Variants in RBFOX1 observed in about 807,000 individuals in gnomAD.
The protein encoded by RBFOX1 is RNA binding fox-1 homolog 1, also known as RNA binding protein fox-1 homolog 1.
In RBFOX1, 8 loss-of-function variants were observed where a neutral mutation model predicts 57.7. That is an observed-to-expected ratio of 0.14 (90% CI 0.08 to 0.25). The LOEUF (loss-of-function observed/expected upper bound fraction) is 0.25. RBFOX1 is among the 10% of genes least tolerant of loss of function. The pLI, the probability that RBFOX1 is intolerant of heterozygous loss-of-function variation, is 1.00. For missense variants in RBFOX1, 611 were observed against 548.5 expected, an observed-to-expected ratio of 1.11 and a Z score of -1.14; for synonymous variants, 326 against 222.4, an observed-to-expected ratio of 1.47 and a Z score of -4.15.
At chr16:6,620,791 G>C (rs769523843) in intron 2 of RBFOX1, among the ~76,000 whole-genome samples, 2 of 150,390 alleles carry the variant, frequency 1.3e-5, no homozygotes, top group Non-Finnish European at 3.0e-5. Flanking sequence ...ATCCTCCCCA[G>C]ACTGATTTAC....
chr16:6,763,028 C>T (rs560168413), intron 3 of RBFOX1, among the ~76,000 whole-genome samples: 386 of 32,538 alleles, frequency 0.012, no homozygotes, highest in Non-Finnish European at 0.026. Context: ...GAGAATGTGA[C>T]GTTCATTCAT....
intron 1 of RBFOX1, among the ~76,000 whole-genome samples, chr16:5,404,691 G>C (rs2066813906): frequency 6.6e-6 from 1 of 152,198 alleles, no homozygotes; most frequent in Non-Finnish European, 1.5e-5. Flanking sequence ...CTGGGGGATA[G>C]GGAAACCCAT....
At chr16:7,248,285 C>G (rs564654500) in intron 4 of RBFOX1, among the ~76,000 whole-genome samples, 1 of 152,200 alleles carries the variant, frequency 6.6e-6, no homozygotes, top group Non-Finnish European at 1.5e-5. Flanking sequence ...TTCTTGCTGC[C>G]TTTCCTACCT....
At chr16:7,574,993 G>C (rs919416585) in intron 5 of RBFOX1, among the ~76,000 whole-genome samples, 2 of 151,284 alleles carry the variant, frequency 1.3e-5, no homozygotes, top group East Asian at 2.0e-4. Context: ...AGATGTAGTA[G>C]AGGGAATGGT....
rs569109694 is a variant in RBFOX1, at chr16:6,831,558, G to A, written c.-16+176908G>A. On this transcript the variant is annotated intron_variant, in intron 3 of 15. Transcript: ENST00000550418. ...CTCTGAACATTACATCTAAAGATGG[G>A]CAACTGTTTAATTATTTGAGTAACT... 1.4e-4 allele frequency among the ~76,000 whole-genome samples: 22 copies of A among 152,228 alleles called. No homozygotes were observed. The South Asian group carries it at 2.7e-3, about 19-fold the overall frequency.
chr16:7,582,479 C>G (rs2093848373), intron 6 of RBFOX1, among the ~76,000 whole-genome samples: 1 of 152,152 alleles, frequency 6.6e-6, no homozygotes, highest in Non-Finnish European at 1.5e-5. Flanking sequence ...GTTTTATGCA[C>G]TAAAAATCTG....
In RBFOX1 at chr16:6,314,370, T is replaced by C. The variant is rs547653691; in HGVS notation, c.-126-2625T>C. 2.0e-5 allele frequency among the ~76,000 whole-genome samples: 3 copies of C among 152,298 alleles called. No homozygotes were observed. The South Asian group carries it at 6.2e-4, about 32-fold the overall frequency. ...CACAAAAAGTTAGAAAGGATGTATA[T>C]TCTGCTTCTGATAGAAGAATATGCC... On this transcript the variant is annotated intron_variant, in intron 1 of 15. Transcript: ENST00000550418.
chr16:6,875,376 G>T (rs2061654144), intron 3 of RBFOX1, among the ~76,000 whole-genome samples: 1 of 152,104 alleles, frequency 6.6e-6, no homozygotes, highest in South Asian at 2.1e-4. Flanking sequence ...TGTCCAATAT[G>T]ACCTACTTCT....
At chr16:7,555,464 A>G (rs775846394) in intron 5 of RBFOX1, among the ~76,000 whole-genome samples, 1 of 152,222 alleles carries the variant, frequency 6.6e-6, no homozygotes, top group Non-Finnish European at 1.5e-5. Context: ...GGGGAAAAGG[A>G]TATAAGAGGA....
At chr16:6,278,962 G>C (rs1037671404) in intron 1 of RBFOX1, among the ~76,000 whole-genome samples, 1 of 151,908 alleles carries the variant, frequency 6.6e-6, no homozygotes, top group Non-Finnish European at 1.5e-5. Flanking sequence ...TTGAAACAAG[G>C]TTTGTGTTCT....
At chr16:6,104,574 T>C (rs1053437196) in intron 1 of RBFOX1, among the ~76,000 whole-genome samples, 1 of 152,174 alleles carries the variant, frequency 6.6e-6, no homozygotes, top group Non-Finnish European at 1.5e-5. Context: ...TCAATCTCTG[T>C]TCCCACCCTC....
At chr16:6,177,698 G>A (rs2097023570) in intron 1 of RBFOX1, among the ~76,000 whole-genome samples, 1 of 152,098 alleles carries the variant, frequency 6.6e-6, no homozygotes, top group African/African-American at 2.4e-5. Context: ...AAGGAAGCAG[G>A]ATTTTACTCA....
chr16:6,896,844 A>C (rs576511669), intron 3 of RBFOX1, among the ~76,000 whole-genome samples: 28 of 152,322 alleles, frequency 1.8e-4, no homozygotes, highest in African/African-American at 6.3e-4. Context: ...GATTGCAGGT[A>C]ATATAAAAAT....
chr16:7,472,344 C>G (rs1270228468), intron 4 of RBFOX1, among the ~76,000 whole-genome samples: 1 of 151,738 alleles, frequency 6.6e-6, no homozygotes, highest in African/African-American at 2.4e-5. Context: ...GGATCTTCGT[C>G]AACAACATAA....
intron 1 of RBFOX1, among the ~76,000 whole-genome samples, chr16:6,265,521 C>G (rs542390549): frequency 6.6e-6 from 1 of 152,306 alleles, no homozygotes; most frequent in East Asian, 1.9e-4. Flanking sequence ...CTCGGCCTCC[C>G]AGAGTGCTGG....
chr16:6,849,307 G>T (rs543873224), intron 3 of RBFOX1, among the ~76,000 whole-genome samples: 1 of 152,246 alleles, frequency 6.6e-6, no homozygotes, highest in Non-Finnish European at 1.5e-5. Context: ...GGCAAAAATC[G>T]TGTTCATTTT....
rs564134221 is a variant in RBFOX1 at position 7,202,194 on chromosome 16, A to G, written c.27+150096A>G. On this transcript the variant is annotated intron_variant, in intron 4 of 15. Coordinates refer to ENST00000550418, the MANE Select transcript of RBFOX1 (RefSeq NM_018723.4). ...CTTCAAAGAACATAAACAAATGGCCAATAAGCACATGAAAAAAGATGCTCA... is the reference window on the plus strand; with the variant it reads ...CTTCAAAGAACATAAACAAATGGCCGATAAGCACATGAAAAAAGATGCTCA... Among the ~76,000 whole-genome samples, 7 of 152,294 alleles carry G rather than the reference A, an allele frequency of 4.6e-5. No homozygotes were observed. In the South Asian group the frequency reaches 1.5e-3, roughly 32 times the overall value.
At chr16:5,935,853 C>G (rs1285435710) in intron 4 of RBFOX1, among the ~76,000 whole-genome samples, 3 of 152,050 alleles carry the variant, frequency 2.0e-5, no homozygotes, top group African/African-American at 4.8e-5. Flanking sequence ...TTCTAAATGC[C>G]CCATTGGATA....
At chr16:7,144,216 C>T (rs2074427348) in intron 4 of RBFOX1, among the ~76,000 whole-genome samples, 2 of 152,020 alleles carry the variant, frequency 1.3e-5, no homozygotes, top group Admixed American at 6.6e-5. Flanking sequence ...TTAAAGATTT[C>T]CTCATTTTGA....
Sources: gnomAD v4.1 joint callset for allele counts (sites outside exome capture counted in the v4.1 genomes callset) on GRCh38, gnomAD v4.1.1 for gene constraint, MANE v1.5 for transcripts, NCBI Gene and HGNC (gene_info 2026-07-23, HGNC 2026-07-21) for gene names.